The following RPRD2 variants were observed in gnomAD, a reference collection of about 807,000 sequenced individuals.
RPRD2 encodes regulation of nuclear pre-mRNA domain containing 2.
In RPRD2, 12 loss-of-function variants were observed where a neutral mutation model predicts 104.4. That is an observed-to-expected ratio of 0.11 (90% CI 0.07 to 0.19). The LOEUF is 0.19. RPRD2 is among the 10% of genes least tolerant of loss of function. RPRD2 has a pLI of 1.00. For synonymous variants in RPRD2, 714 were observed against 684.9 expected, an observed-to-expected ratio of 1.04 and a Z score of -0.66; for missense variants, 1,543 against 1,790.1, an observed-to-expected ratio of 0.86 and a Z score of 2.49.
At chr1:150,450,346 C>T (rs1553896341) in intron 7 of RPRD2, among the ~76,000 whole-genome samples, 1 of 151,956 alleles carries the variant, frequency 6.6e-6, no homozygotes, top group African/African-American at 2.4e-5. Flanking sequence ...GTGGCTCACG[C>T]CTGTAATCCC....
Position 150,460,085 on chromosome 1 carries a change from A to T in RPRD2, c.1179A>T (p.Ala393=), listed in dbSNP as rs141722937. ...IIVEDRKEKP[A]EKSAVSTSVP... ...TCGAGGACAGGAAGGAAAAACCTGC[A>T]GAGAAGTCAGCTGTATCCACTTCTG... is the stretch of plus-strand genomic sequence containing the variant. Residue 393 remains alanine, a synonymous_variant, in exon 9 of 11, where the codon GCA becomes GCT. Transcript: ENST00000369068. The T allele has an allele frequency of 6.2e-7, 1 of 1,614,004 alleles. No individual in the cohort carries two copies. The highest frequency in any genetic ancestry group is 8.5e-7 in the Non-Finnish European group (1 of 1,179,866).
Position 150,405,384 on chromosome 1 carries a change from T to C in RPRD2, c.206-12212T>C, listed in dbSNP as rs146058679. ...AATTAGGCTTGAAAATACTGGAAAT[T>C]TTTAGTAATGACAAAATTTTTTATT... is the stretch of plus-strand genomic sequence containing the variant. On this transcript the variant is annotated intron_variant, in intron 1 of 10. Coordinates refer to ENST00000369068, the MANE Select transcript of RPRD2 (RefSeq NM_015203.5). Among the ~76,000 whole-genome samples the C allele has an allele frequency of 1.3e-4, 19 of 149,832 alleles. No individual in the cohort carries two copies. In the South Asian group the frequency reaches 3.9e-3, roughly 30 times the overall value.
At chr1:150,408,158 ATTTTTTTTTTT>A (rs10684924) in intron 1 of RPRD2, among the ~76,000 whole-genome samples, 1 of 95,096 alleles carries the variant, frequency 1.1e-5, no homozygotes, top group African/African-American at 4.7e-5. Context: ...TATTCATATG[ATTTTTTTTTTT>A]TTTTTTTTTT....
chr1:150,408,136 T>C (rs1222626147), intron 1 of RPRD2, among the ~76,000 whole-genome samples: 1 of 151,518 alleles, frequency 6.6e-6, no homozygotes, highest in Non-Finnish European at 1.5e-5. Flanking sequence ...GAAAATAACA[T>C]TTATTTTAAA....
At chr1:150,467,451 G>A (rs587664864) in intron 10 of RPRD2, among the ~76,000 whole-genome samples, 5 of 152,008 alleles carry the variant, frequency 3.3e-5, no homozygotes, top group African/African-American at 1.2e-4. Flanking sequence ...TCGGCTCACT[G>A]CAACCTCTGC....
chr1:150,446,165 A>C (rs1666760970), intron 6 of RPRD2, 61 bp from the exon 7 acceptor site: 1 of 1,263,686 alleles, frequency 7.9e-7, no homozygotes, highest in Non-Finnish European at 1.1e-6. Context: ...CAAAAGTCAA[A>C]AGACTAAATT....
intron 1 of RPRD2, among the ~76,000 whole-genome samples, chr1:150,412,748 A>G (rs1387840130): frequency 3.3e-5 from 5 of 152,158 alleles, no homozygotes; most frequent in Admixed American, 3.3e-4. Flanking sequence ...CATATTTGAA[A>G]ATGAATTTGG....
intron 9 of RPRD2, among the ~76,000 whole-genome samples, chr1:150,461,863 C>T (rs1292524941): frequency 6.6e-6 from 1 of 152,058 alleles, no homozygotes; most frequent in African/African-American, 2.4e-5. Context: ...GCCTGTAGTC[C>T]CAGCTGCTCG....
chr1:150,366,897 C>T (rs1432893283), intron 1 of RPRD2, among the ~76,000 whole-genome samples: 1 of 152,184 alleles, frequency 6.6e-6, no homozygotes, highest in African/African-American at 2.4e-5. Context: ...ATAAGTTGGT[C>T]CCTGTCCCGT....
At chr1:150,372,506 G>GACTCACACACAC (rs1660391193) in intron 1 of RPRD2, among the ~76,000 whole-genome samples, 2 of 150,182 alleles carry the variant, frequency 1.3e-5, no homozygotes, top group African/African-American at 4.9e-5. Context: ...CACACACACA[G>GACTCACACACAC]ACACACACAC....
chr1:150,469,431 C>G (rs1325041396), intron 10 of RPRD2, among the ~76,000 whole-genome samples: 2 of 152,126 alleles, frequency 1.3e-5, no homozygotes, highest in Non-Finnish European at 2.9e-5. Context: ...CATGCACCAT[C>G]ATGCCCAGCT....
intron 2 of RPRD2, among the ~76,000 whole-genome samples, chr1:150,433,545 T>C (rs587663246): frequency 3.8e-4 from 55 of 144,612 alleles, no homozygotes; most frequent in East Asian, 1.4e-3. Flanking sequence ...TCCAGGTTCA[T>C]GCCATTCTCC....
chr1:150,405,474 A>T (rs1553886300), intron 1 of RPRD2, among the ~76,000 whole-genome samples: 1 of 152,144 alleles, frequency 6.6e-6, no homozygotes, highest in African/African-American at 2.4e-5. Flanking sequence ...ATTTGGTAGC[A>T]TATAATTCCG....
chr1:150,420,433 G>C (rs832621), intron 2 of RPRD2, among the ~76,000 whole-genome samples: 83,759 of 152,002 alleles, frequency 0.55, 23,838 homozygotes, highest in Non-Finnish European at 0.62. Context: ...TAGTAAACAT[G>C]ATACGTAATG....
intron 7 of RPRD2, 38 bp from the exon 8 acceptor site, chr1:150,457,250 T>G: frequency 6.3e-7 from 1 of 1,575,728 alleles, no homozygotes; most frequent in Non-Finnish European, 8.6e-7. Flanking sequence ...AACTTTCTGG[T>G]CTTTTTCCAA....
chr1:150,400,120 C>G (rs1412920627), intron 1 of RPRD2, among the ~76,000 whole-genome samples: 1 of 152,142 alleles, frequency 6.6e-6, no homozygotes, highest in East Asian at 1.9e-4. Context: ...AGGTGATAAT[C>G]TAAGTCTTTC....
chr1:150,404,951 T>C (rs1166670183), intron 1 of RPRD2, among the ~76,000 whole-genome samples: 1 of 152,228 alleles, frequency 6.6e-6, no homozygotes, highest in African/African-American at 2.4e-5. Context: ...ATCTTACTTA[T>C]TCTTACCTAT....
At position 150,471,618 on chromosome 1, in the gene RPRD2, T is replaced by A. The variant is rs939198983; in HGVS notation, c.2670T>A (p.Pro890=). The change falls in exon 11 of 11, where the codon CCT becomes CCA. Residue 890 remains proline (P), a synonymous_variant. Transcript: ENST00000369068. The surrounding 1 kb of genome is among the most constrained non-coding windows in gnomAD (Gnocchi z 5.3). The stretch of plus-strand genomic sequence containing the variant: ...AATTTGGGGTAAAGTCTGCCTTCCC[T>A]CCATCTGTAAGGGCCCTCCTGGACT... ...AQEFGVKSAF[P]PSVRALLDSS... 1 of 1,613,712 alleles carries A rather than the reference T, an allele frequency of 6.2e-7. No individual in the cohort carries two copies. Among genetic ancestry groups the A allele is most frequent in the Admixed American group, 1.7e-5 (1 of 59,992 alleles).
chr1:150,400,401 G>A (rs74749205), intron 1 of RPRD2, among the ~76,000 whole-genome samples: 3,907 of 152,236 alleles, frequency 0.026, 166 homozygotes, highest in African/African-American at 0.088. Flanking sequence ...GATGATGGTG[G>A]CAGCAGTTCC....
Sources: allele counts gnomAD v4.1 joint callset (sites outside exome capture counted in the v4.1 genomes callset), GRCh38; gene constraint gnomAD v4.1.1; non-coding constraint Gnocchi (gnomAD v3.1); transcripts MANE v1.5; gene names NCBI Gene and HGNC (gene_info 2026-07-23, HGNC 2026-07-21).